Variants in BSN observed in about 807,000 individuals in gnomAD.
BSN encodes protein bassoon.
Under a neutral mutation model 264.8 loss-of-function variants are expected in BSN, and 57 were observed. That is an observed-to-expected ratio of 0.22 (90% CI 0.17 to 0.27). The LOEUF (loss-of-function observed/expected upper bound fraction) is 0.27. BSN is among the 10% of genes least tolerant of loss of function. The probability of loss-of-function intolerance (pLI) is 1.00; values close to 1 mark genes in which losing one functional copy is unlikely to be tolerated. For missense variants in BSN, 4,615 were observed against 5,232.5 expected, an observed-to-expected ratio of 0.88 and a Z score of 3.64; for synonymous variants, 2,059 against 2,137.3, an observed-to-expected ratio of 0.96 and a Z score of 1.01.
rs535281692 is a variant in BSN, at chr3:49,656,046, T to C, written c.6490T>C (p.Leu2164=). The C allele has an allele frequency of 6.2e-7, 1 of 1,604,392 alleles. No individual in the cohort carries two copies. Among genetic ancestry groups the C allele is most frequent in the Non-Finnish European group, 8.5e-7 (1 of 1,174,922 alleles). The part of the protein sequence containing the change: ...FPEGHPSPGN[L]AQYGPAAGQG... ...AGAGGGCCACCCAAGTCCTGGGAACTTGGCCCAGTATGGGCCTGCAGCAGG... is the reference window on the plus strand; with the variant it reads ...AGAGGGCCACCCAAGTCCTGGGAACCTGGCCCAGTATGGGCCTGCAGCAGG... Residue 2164 remains leucine (L), a synonymous_variant, in exon 5 of 12, where the codon TTG becomes CTG. Coordinates refer to ENST00000296452, the MANE Select transcript of BSN (RefSeq NM_003458.4).
At position 49,625,215 on chromosome 3, in the gene BSN, C is replaced by T. The variant is rs768800083; in HGVS notation, c.465C>T (p.Pro155=). The part of the protein sequence containing the change: ...SPDRGSTPTS[P]YSVPQIAPLP... Reference sequence around the variant, plus strand: ...ACAGAGGCAGCACCCCCACATCACCCTACTCCGTCCCTCAGATCGCCCCCC... The same window carrying T: ...ACAGAGGCAGCACCCCCACATCACCTTACTCCGTCCCTCAGATCGCCCCCC... The change falls in exon 2 of 12, where the codon CCC becomes CCT. Residue 155 remains proline, a synonymous_variant. Coordinates refer to ENST00000296452, the MANE Select transcript of BSN (RefSeq NM_003458.4). The surrounding 1 kb of genome is among the most constrained non-coding windows in gnomAD (Gnocchi z 4.4). The T allele has an allele frequency of 6.3e-7, 1 of 1,577,872 alleles. No individual in the cohort carries two copies. Among genetic ancestry groups the T allele is most frequent in the Admixed American group, 1.9e-5 (1 of 53,518 alleles).
At chr3:49,673,078 C>T (rs1394757226), downstream of BSN, among the ~76,000 whole-genome samples, 2 of 42,424 alleles carry the variant, frequency 4.7e-5, no homozygotes, top group Non-Finnish European at 1.2e-4. Flanking sequence ...CGCGCCCGGC[C>T]GGCCGGGACT....
At chr3:49,628,190 G>T (rs370193907) in intron 2 of BSN, among the ~76,000 whole-genome samples, 1 of 152,210 alleles carries the variant, frequency 6.6e-6, no homozygotes, top group East Asian at 1.9e-4. Context: ...CTTTGTTCAT[G>T]TGTGTCACTA....
In BSN at chr3:49,653,298, A is replaced by G; in HGVS notation, c.3742A>G (p.Thr1248Ala). ...GQAAQPAAEGTPASLGAAVYE... is the reference protein window; with the variant it reads ...GQAAQPAAEGAPASLGAAVYE... Reference sequence around the variant, plus strand: ...GGCTGCTCAGCCTGCCGCAGAGGGCACGCCAGCCAGCCTGGGAGCAGCCGT... The same window carrying G: ...GGCTGCTCAGCCTGCCGCAGAGGGCGCGCCAGCCAGCCTGGGAGCAGCCGT... The change falls in exon 5 of 12, where the codon ACG (threonine) becomes GCG (alanine). Residue 1248 changes from threonine (T) to alanine (A), a missense_variant. By Grantham distance (58) the Thr-to-Ala change is moderately conservative. Around this residue, in one of 3 missense-constraint regions of BSN, gnomAD observed 3,415 missense variants for 3,866.4 expected, o/e 0.88. Transcript: ENST00000296452. The surrounding 1 kb of genome is among the most constrained non-coding windows in gnomAD (Gnocchi z 6.3). The G allele has an allele frequency of 6.2e-7, 1 of 1,612,398 alleles. No homozygotes were observed. The highest frequency in any genetic ancestry group is 1.7e-5 in the Admixed American group (1 of 59,928).
intron 1 of BSN, among the ~76,000 whole-genome samples, chr3:49,565,997 A>AT (rs1390651434): frequency 2.0e-5 from 3 of 151,626 alleles, no homozygotes; most frequent in Non-Finnish European, 4.4e-5. Flanking sequence ...TAATTTTTGT[A>AT]TTTTTTTACT....
intron 1 of BSN, among the ~76,000 whole-genome samples, chr3:49,611,796 C>T (rs2052208620): frequency 1.3e-5 from 2 of 152,202 alleles, no homozygotes; most frequent in South Asian, 2.1e-4. Flanking sequence ...CTTTTGGTTT[C>T]CCAGGCCAGG....
At position 49,657,423 on chromosome 3, in the gene BSN, GAGC is replaced by G; in HGVS notation, c.7871_7873del (p.Gln2624del). On this transcript the variant is annotated inframe_deletion, in exon 5 of 12. Coordinates refer to ENST00000296452, the MANE Select transcript of BSN (RefSeq NM_003458.4). ...GGACGACGAAGACAGTGCTGAGTGGGAGCAGCCAGTGCGCCGCCGCAGGTCTCG... is the reference window on the plus strand; with the variant it reads ...GGACGACGAAGACAGTGCTGAGTGGGAGCCAGTGCGCCGCCGCAGGTCTCG... The G allele has an allele frequency of 2.5e-6, 4 of 1,613,056 alleles. No individual in the cohort carries two copies. Among genetic ancestry groups the G allele is most frequent in the Non-Finnish European group, 3.4e-6 (4 of 1,179,954 alleles).
At chr3:49,596,124 G>T (rs574442964) in intron 1 of BSN, among the ~76,000 whole-genome samples, 2 of 152,278 alleles carry the variant, frequency 1.3e-5, no homozygotes, top group East Asian at 3.9e-4. Flanking sequence ...AATGGTGGCA[G>T]CTGGATGTGG....
rs749915497 is a variant in BSN at position 49,664,517 on chromosome 3, T to C, written c.11703T>C (p.Pro3901=). ...DGESVFSKIL[P]GGAAEQAGKL... ...AGAGCGTGTTCTCCAAGATCCTCCCTGGCGGGGCAGCCGAGCAAGCTGGCA... is the reference window on the plus strand; with the variant it reads ...AGAGCGTGTTCTCCAAGATCCTCCCCGGCGGGGCAGCCGAGCAAGCTGGCA... Residue 3901 remains proline, a synonymous_variant, in exon 9 of 12, where the codon CCT becomes CCC. Coordinates refer to ENST00000296452, the MANE Select transcript of BSN (RefSeq NM_003458.4). 3.1e-6 allele frequency: 5 copies of C among 1,611,258 alleles called. No homozygotes were observed. Among genetic ancestry groups the C allele is most frequent in the Non-Finnish European group, 2.5e-6 (3 of 1,178,770 alleles).
intron 1 of BSN, among the ~76,000 whole-genome samples, chr3:49,589,109 A>G (rs1237041676): frequency 1.3e-4 from 6 of 47,612 alleles, no homozygotes; most frequent in Non-Finnish European, 2.4e-4. Flanking sequence ...ATTTTTTAGT[A>G]GAGACGGGGT....
Position 49,655,985 on chromosome 3 carries a change from C to T in BSN, c.6429C>T (p.Pro2143=). ...TCAGTGCTCCACAGAGTCTGGTTCC[C>T]CTCAGACCTGGACTCCTTGGTAACC... is the stretch of plus-strand genomic sequence containing the variant. ...PGLSAPQSLV[P]LRPGLLGNPT... is the part of the protein sequence containing the mutation. The change falls in exon 5 of 12, where the codon CCC becomes CCT. Residue 2143 remains proline (P), a synonymous_variant. Transcript: ENST00000296452. 6.2e-7 allele frequency: 1 copy of T among 1,607,630 alleles called. No individual in the cohort carries two copies. The highest frequency in any genetic ancestry group is 8.5e-7 in the Non-Finnish European group (1 of 1,177,890).
chr3:49,579,557 C>T (rs1469852004), intron 1 of BSN, among the ~76,000 whole-genome samples: 1 of 151,828 alleles, frequency 6.6e-6, no homozygotes, highest in African/African-American at 2.4e-5. Context: ...CGCCCGTCAC[C>T]ACGCCCAGCT....
intron 1 of BSN, among the ~76,000 whole-genome samples, chr3:49,577,574 C>G (rs541569967): frequency 5.2e-4 from 78 of 149,830 alleles, no homozygotes; most frequent in African/African-American, 1.8e-3. Flanking sequence ...GAGTCTCGCA[C>G]TGTCGCCCAG....
chr3:49,617,334 C>T (rs1198808730), intron 1 of BSN, among the ~76,000 whole-genome samples: 1 of 142,406 alleles, frequency 7.0e-6, no homozygotes, highest in African/African-American at 2.6e-5. Flanking sequence ...TATAATTTGT[C>T]CCTAGATAAG....
Position 49,656,661 on chromosome 3 carries a change from C to G in BSN, c.7105C>G (p.Gln2369Glu), listed in dbSNP as rs749378717. 3.1e-6 allele frequency: 5 copies of G among 1,607,050 alleles called. No homozygotes were observed. The highest frequency in any genetic ancestry group is 2.5e-6 in the Non-Finnish European group (3 of 1,176,996). The change falls in exon 5 of 12, where the codon CAG becomes GAG. Residue 2369 changes from glutamine to glutamate, a missense_variant. Around this residue, in one of 3 missense-constraint regions of BSN, gnomAD observed 3,415 missense variants for 3,866.4 expected, o/e 0.88. Coordinates refer to ENST00000296452, the MANE Select transcript of BSN (RefSeq NM_003458.4). ...ACAGGAGGAGAGGCAGCGGAAGCAA[C>G]AGGAGCAGCTGCTCCAGCTAGAGCG... is the stretch of plus-strand genomic sequence containing the variant. Reference protein sequence around the residue: ...ASQEERQRKQQEQLLQLERER... With the variant: ...ASQEERQRKQEEQLLQLERER...
intron 1 of BSN, among the ~76,000 whole-genome samples, chr3:49,571,935 G>C (rs1191763300): frequency 6.6e-6 from 1 of 152,150 alleles, no homozygotes; most frequent in East Asian, 1.9e-4. Context: ...AGAAGGCTTT[G>C]CTCCCCAGAG....
chr3:49,662,132 C>T lies in BSN; in HGVS notation c.10287C>T (p.Asp3429=), dbSNP rs778415237. ...AATACTATGGGATGTCCAGCCGGGA[C>T]GCAGTGGAGGACGACCGCATTTATG... ...QQKYYGMSSR[D]AVEDDRIYGG... The change falls in exon 6 of 12, where the codon GAC becomes GAT. Residue 3429 remains aspartate (D), a synonymous_variant. Transcript: ENST00000296452. 43 of 1,613,414 alleles carry T rather than the reference C, an allele frequency of 2.7e-5. No individual in the cohort carries two copies. The highest frequency in any genetic ancestry group is 2.2e-4 in the Admixed American group (13 of 60,004).
intron 1 of BSN, among the ~76,000 whole-genome samples, chr3:49,570,583 A>G (rs942410020): frequency 1.3e-5 from 2 of 152,180 alleles, no homozygotes; most frequent in Non-Finnish European, 2.9e-5. Context: ...CCCTGGGAAG[A>G]CCATCCAAAG....
rs2052602094 is a variant in BSN at position 49,656,446 on chromosome 3, C to T, written c.6890C>T (p.Ser2297Leu). The change falls in exon 5 of 12, where the codon TCA (serine) becomes TTA (leucine). Residue 2297 changes from serine (S) to leucine (L), a missense_variant. Coordinates refer to ENST00000296452, the MANE Select transcript of BSN (RefSeq NM_003458.4). ...AAKAPGAGGP[S>L]RPEMPVGAAR... Reference sequence around the variant, plus strand: ...AAGGCCCCTGGGGCTGGGGGCCCTTCAAGGCCAGAGATGCCAGTAGGGGCT... The same window carrying T: ...AAGGCCCCTGGGGCTGGGGGCCCTTTAAGGCCAGAGATGCCAGTAGGGGCT... The T allele has an allele frequency of 1.2e-5, 19 of 1,594,024 alleles. No individual in the cohort carries two copies. Among genetic ancestry groups the T allele is most frequent in the Non-Finnish European group, 1.5e-5 (18 of 1,168,928 alleles).
Sources: allele counts gnomAD v4.1 joint callset (sites outside exome capture counted in the v4.1 genomes callset), GRCh38; gene constraint gnomAD v4.1.1; regional missense constraint gnomAD v4.1.1; non-coding constraint Gnocchi (gnomAD v3.1); transcripts MANE v1.5; gene names NCBI Gene and HGNC (gene_info 2026-07-23, HGNC 2026-07-21).